The following KCNIP3 variants were observed in gnomAD, a reference collection of about 807,000 sequenced individuals.
The protein encoded by KCNIP3 is potassium voltage-gated channel interacting protein 3, also known as calsenilin.
In KCNIP3, 28 loss-of-function variants were observed where a neutral mutation model predicts 35.0. That is an observed-to-expected ratio of 0.80 (90% CI 0.59 to 1.10). The LOEUF (loss-of-function observed/expected upper bound fraction) is 1.10, where lower values mean the gene tolerates loss of function less well. Ranked by LOEUF, KCNIP3 falls within the 50% of genes least tolerant of loss-of-function variation. KCNIP3 has a pLI of 0.00. For synonymous variants in KCNIP3, 134 were observed against 133.8 expected (o/e 1.00, Z -0.01); for missense variants, 295 against 338.4 (o/e 0.87, Z 1.01).
intron 2 of KCNIP3, among the ~76,000 whole-genome samples, chr2:95,355,591 C>T (rs771636817): frequency 6.6e-5 from 10 of 152,118 alleles, no homozygotes; most frequent in Non-Finnish European, 1.2e-4. Context: ...TGAGAACATG[C>T]GGTGTTTGGT....
intron 2 of KCNIP3, chr2:95,347,227 G>A: frequency 1.0e-6 from 1 of 994,036 alleles, no homozygotes; most frequent in South Asian, 1.5e-5. Flanking sequence ...GGCGAGGAGC[G>A]GCCTGGGCCG....
rs544972404 is a variant in KCNIP3, at chr2:95,381,882, C to T, written c.555+179C>T. 1.4e-4 allele frequency among the ~76,000 whole-genome samples: 21 copies of T among 152,302 alleles called. No homozygotes were observed. The South Asian group carries it at 4.2e-3, about 30-fold the overall frequency. On this transcript the variant is annotated intron_variant, in intron 6 of 8. Coordinates refer to ENST00000295225, the MANE Select transcript of KCNIP3 (RefSeq NM_013434.5). ...CCTCTCCTGGGCTCGGTCCTGGACA[C>T]CCCGGTGTGGAGTGTGGGTTCAGGT... is the stretch of plus-strand genomic sequence containing the variant.
intron 2 of KCNIP3, among the ~76,000 whole-genome samples, chr2:95,329,617 A>G (rs532980802): frequency 3.8e-4 from 58 of 152,320 alleles, no homozygotes; most frequent in Non-Finnish European, 6.5e-4. Context: ...CTGGTCTCAC[A>G]CAGTGCTGGC....
intron 2 of KCNIP3, among the ~76,000 whole-genome samples, chr2:95,358,331 G>A (rs1679707984): frequency 6.6e-6 from 1 of 152,208 alleles, no homozygotes; most frequent in African/African-American, 2.4e-5. Flanking sequence ...ACTTTGCTGA[G>A]CTTTTGCACA....
chr2:95,383,139 ATC>A, intron 7 of KCNIP3, 91 bp from the exon 8 acceptor site: 2 of 235,868 alleles, frequency 8.5e-6, no homozygotes. Context: ...CCACCCGCCC[ATC>A]CACCCACCCA....
chr2:95,383,760 C>G (rs1172014539), intron 8 of KCNIP3, among the ~76,000 whole-genome samples: 1 of 152,240 alleles, frequency 6.6e-6, no homozygotes, highest in Non-Finnish European at 1.5e-5. Context: ...CCGGGATCGC[C>G]TTCATCAGCT....
intron 2 of KCNIP3, among the ~76,000 whole-genome samples, chr2:95,332,071 G>A (rs1282944246): frequency 6.6e-6 from 1 of 152,238 alleles, no homozygotes; most frequent in Non-Finnish European, 1.5e-5. Flanking sequence ...GACTGAGCAA[G>A]TTCACTCAAG....
In KCNIP3 at chr2:95,374,351, GGACCAGCTGCAGGCCCA is replaced by G; in HGVS notation, c.243_259del (p.Leu82ValfsTer14). ...CGGTGCGCCACCAGCCAGAGGGGCT[GGACCAGCTGCAGGCCCA>G]GACCAAGTTCACCAAGAAGGAGCTG... On this transcript the variant is annotated frameshift_variant, in exon 3 of 9. Coordinates refer to ENST00000295225, the MANE Select transcript of KCNIP3 (RefSeq NM_013434.5). LOFTEE classifies it high-confidence loss of function. 1 of 1,614,182 alleles carries G rather than the reference GGACCAGCTGCAGGCCCA, an allele frequency of 6.2e-7. No homozygotes were observed. Among genetic ancestry groups the G allele is most frequent in the Non-Finnish European group, 8.5e-7 (1 of 1,180,010 alleles).
chr2:95,306,137 A>C lies in KCNIP3; in HGVS notation c.16-4218A>C, dbSNP rs182333844. Among the ~76,000 whole-genome samples, 4 of 152,190 alleles carry C rather than the reference A, an allele frequency of 2.6e-5. No homozygotes were observed. In the East Asian group the frequency reaches 7.7e-4, roughly 29 times the overall value. On this transcript the variant is annotated intron_variant, in intron 1 of 8. Coordinates refer to ENST00000295225, the MANE Select transcript of KCNIP3 (RefSeq NM_013434.5). Reference sequence around the variant, plus strand: ...AATGGAGGGGTGATTCCGTTTCTCCACATCCTCACCAGCTTTCAGTTGTCA... The same window carrying C: ...AATGGAGGGGTGATTCCGTTTCTCCCCATCCTCACCAGCTTTCAGTTGTCA...
intron 2 of KCNIP3, among the ~76,000 whole-genome samples, chr2:95,342,878 C>T (rs141411112): frequency 1.1e-4 from 17 of 152,274 alleles, no homozygotes; most frequent in African/African-American, 3.8e-4. Flanking sequence ...TGCACTGAGG[C>T]TGGGAAAGGA....
chr2:95,333,523 T>C (rs1678983784), intron 2 of KCNIP3, among the ~76,000 whole-genome samples: 1 of 152,140 alleles, frequency 6.6e-6, no homozygotes, highest in African/African-American at 2.4e-5. Flanking sequence ...AAGGGAATGC[T>C]TGGGTGTTTC....
rs1430384989 is a variant in KCNIP3 at position 95,382,731 on chromosome 2, G to A, written c.660+250G>A. Among the ~76,000 whole-genome samples the A allele has an allele frequency of 3.3e-5, 5 of 152,228 alleles. No homozygotes were observed. Among genetic ancestry groups the A allele is most frequent in the Non-Finnish European group, 5.9e-5 (4 of 68,038 alleles). ...CTGAGGCAGCTGACCCTGGGCCGGA[G>A]CTCCATGCCTCCTGAGAGCTGTGTG... On this transcript the variant is annotated intron_variant, in intron 7 of 8. Transcript: ENST00000295225. The surrounding 1 kb of genome is among the most constrained non-coding windows in gnomAD (Gnocchi z 4.5).
chr2:95,338,084 G>A (rs1679106335), intron 2 of KCNIP3, among the ~76,000 whole-genome samples: 2 of 152,210 alleles, frequency 1.3e-5, no homozygotes, highest in South Asian at 2.1e-4. Context: ...CACCAGGCAA[G>A]GCAGAGGCCC....
chr2:95,326,850 G>A (rs554395029), intron 2 of KCNIP3, among the ~76,000 whole-genome samples: 84 of 152,282 alleles, frequency 5.5e-4, no homozygotes, highest in African/African-American at 1.9e-3. Flanking sequence ...GTAGGCCTCC[G>A]CCTGGAACTC....
chr2:95,310,667 T>TGAAAA, intron 2 of KCNIP3, 147 bp downstream of exon 2: 2 of 829,736 alleles, frequency 2.4e-6, no homozygotes, highest in Non-Finnish European at 3.9e-6. Context: ...TTTCATTCAT[T>TGAAAA]CACACCCTTC....
intron 2 of KCNIP3, among the ~76,000 whole-genome samples, chr2:95,326,237 ACACACACAACACTCACACATACACT>A (rs1387575215): frequency 1.8e-5 from 2 of 109,598 alleles, no homozygotes; most frequent in Non-Finnish European, 3.7e-5. Flanking sequence ...ATACACATAC[ACACACACAACACTCACACATACACT>A]CACACATACA....
At chr2:95,324,840 G>T (rs1249402748) in intron 2 of KCNIP3, among the ~76,000 whole-genome samples, 2 of 151,904 alleles carry the variant, frequency 1.3e-5, no homozygotes, top group African/African-American at 4.8e-5. Flanking sequence ...GAACCTGGGA[G>T]GCTGAGGTTG....
chr2:95,376,891 T>C lies in KCNIP3; in HGVS notation c.447+1683T>C, dbSNP rs1423516969. Among the ~76,000 whole-genome samples the C allele has an allele frequency of 6.6e-6, 1 of 152,216 alleles. No homozygotes were observed. Among genetic ancestry groups the C allele is most frequent in the African/African-American group, 2.4e-5 (1 of 41,444 alleles). On this transcript the variant is annotated intron_variant, in intron 5 of 8. Transcript: ENST00000295225. This position sits in a 1 kb window ranked among gnomAD's most constrained non-coding sequence, Gnocchi z 4.2. ...CATGACACTGTCTGCAATGATTCTG[T>C]CCCTTTCTGTATATTCTTAGAGACA...
intron 2 of KCNIP3, among the ~76,000 whole-genome samples, chr2:95,343,576 G>A (rs1679270929): frequency 6.6e-6 from 1 of 152,140 alleles, no homozygotes; most frequent in Non-Finnish European, 1.5e-5. Flanking sequence ...AAATCCCTGG[G>A]CAGCTAGGTG....
Sources: allele counts gnomAD v4.1 joint callset (sites outside exome capture counted in the v4.1 genomes callset), GRCh38; gene constraint gnomAD v4.1.1; non-coding constraint Gnocchi (gnomAD v3.1); transcripts MANE v1.5; gene names NCBI Gene and HGNC (gene_info 2026-07-23, HGNC 2026-07-21).